The following DDAH1 variants were observed in gnomAD, a reference collection of about 807,000 sequenced individuals.
DDAH1 encodes dimethylarginine dimethylaminohydrolase 1.
In DDAH1, 19 loss-of-function variants were observed where a neutral mutation model predicts 28.8. The ratio of observed to expected loss-of-function variants is 0.66; its 90% confidence interval spans 0.46 to 0.97. The LOEUF (loss-of-function observed/expected upper bound fraction) is 0.97. DDAH1 is among the 50% of genes least tolerant of loss of function. DDAH1 has a pLI of 0.00. For missense variants in DDAH1, 326 were observed against 375.9 expected (o/e 0.87, Z 1.10); for synonymous variants, 153 against 154.4 (o/e 0.99, Z 0.07).
At chr1:85,503,508 C>T (rs1292533092) in intron 1 of DDAH1, among the ~76,000 whole-genome samples, 1 of 149,774 alleles carries the variant, frequency 6.7e-6, no homozygotes, top group Admixed American at 6.7e-5. Flanking sequence ...GGCTGATGTT[C>T]TTTAAAGTTC....
intron 1 of DDAH1, among the ~76,000 whole-genome samples, chr1:85,539,349 G>A (rs1305650439): frequency 6.6e-6 from 1 of 152,248 alleles, no homozygotes; most frequent in Non-Finnish European, 1.5e-5. Context: ...GTCTCACCAT[G>A]TTGGCCAGGC....
intron 1 of DDAH1, among the ~76,000 whole-genome samples, chr1:85,406,316 T>C (rs1652401009): frequency 6.6e-6 from 1 of 152,178 alleles, no homozygotes; most frequent in South Asian, 2.1e-4. Context: ...CATCACTACA[T>C]CTGGATCCAA....
At chr1:85,322,352 A>C (rs897422948) in intron 5 of DDAH1, among the ~76,000 whole-genome samples, 2 of 152,238 alleles carry the variant, frequency 1.3e-5, no homozygotes, top group Non-Finnish European at 2.9e-5. Context: ...TACAGGTATG[A>C]ATTTTATTAG....
At chr1:85,564,485 C>T (rs934930267) in intron 1 of DDAH1, among the ~76,000 whole-genome samples, 6 of 151,938 alleles carry the variant, frequency 3.9e-5, no homozygotes, top group Non-Finnish European at 8.8e-5. Flanking sequence ...GTTTAAATTT[C>T]GTGAAAAATT....
intron 1 of DDAH1, among the ~76,000 whole-genome samples, chr1:85,432,196 A>C (rs1474803395): frequency 2.0e-5 from 3 of 152,164 alleles, no homozygotes; most frequent in Admixed American, 6.5e-5. Context: ...TGAAGAAATG[A>C]ATAAAGGCTC....
chr1:85,462,439 T>G (rs974720451), intron 1 of DDAH1, among the ~76,000 whole-genome samples: 6 of 152,034 alleles, frequency 3.9e-5, no homozygotes, highest in Non-Finnish European at 8.8e-5. Context: ...GAATGGAAAA[T>G]TGACAAGACT....
chr1:85,343,385 C>G (rs1477778873), intron 4 of DDAH1, among the ~76,000 whole-genome samples: 1 of 152,200 alleles, frequency 6.6e-6, no homozygotes, highest in African/African-American at 2.4e-5. Flanking sequence ...GGAATATTGT[C>G]AGATGAGGCA....
intron 1 of DDAH1, among the ~76,000 whole-genome samples, chr1:85,380,901 C>T (rs1400404897): frequency 1.3e-5 from 2 of 152,110 alleles, no homozygotes; most frequent in East Asian, 3.9e-4. Context: ...TTTTAAAACA[C>T]ATCTGGCACT....
At chr1:85,346,471 T>C (rs1648853472) in intron 4 of DDAH1, among the ~76,000 whole-genome samples, 1 of 152,138 alleles carries the variant, frequency 6.6e-6, no homozygotes, top group Admixed American at 6.6e-5. Flanking sequence ...GGCAAAATAA[T>C]TAGAAAAGGT....
At chr1:85,491,403 C>G (rs547332527) in intron 2 of DDAH1, among the ~76,000 whole-genome samples, 32 of 152,284 alleles carry the variant, frequency 2.1e-4, no homozygotes, top group African/African-American at 7.5e-4. Flanking sequence ...TGTTTTCAAA[C>G]TGCAGACAAA....
chr1:85,449,877 G>A (rs973328980), intron 1 of DDAH1, among the ~76,000 whole-genome samples: 3 of 152,072 alleles, frequency 2.0e-5, no homozygotes, highest in Non-Finnish European at 4.4e-5. Flanking sequence ...AGTCAGAGCT[G>A]GCCAGAAGCA....
chr1:85,337,769 A>T (rs1164329046), intron 4 of DDAH1, among the ~76,000 whole-genome samples: 1 of 152,192 alleles, frequency 6.6e-6, no homozygotes, highest in Admixed American at 6.5e-5. Context: ...TCAAAAAGTT[A>T]AAGTCCCCTT....
At chr1:85,446,792 A>G (rs1201201715) in intron 1 of DDAH1, among the ~76,000 whole-genome samples, 1 of 151,922 alleles carries the variant, frequency 6.6e-6, no homozygotes. Context: ...GAAACTGAGG[A>G]TTTCATTTCC....
chr1:85,388,017 TGAGC>T (rs1435511446), intron 1 of DDAH1, among the ~76,000 whole-genome samples: 1 of 151,940 alleles, frequency 6.6e-6, no homozygotes, highest in East Asian at 1.9e-4. Context: ...ACTAATAGAG[TGAGC>T]ACTCACTCAT....
chr1:85,369,055 CTTTTTTTTTTTTT>C (rs36109764), intron 1 of DDAH1, among the ~76,000 whole-genome samples: 2 of 84,610 alleles, frequency 2.4e-5, no homozygotes, highest in African/African-American at 4.7e-5. Flanking sequence ...CCAGGGGATT[CTTTTTTTTTTTTT>C]TTTTTTTTTT....
At chr1:85,337,064 A>C (rs1318789570) in intron 4 of DDAH1, among the ~76,000 whole-genome samples, 1 of 152,252 alleles carries the variant, frequency 6.6e-6, no homozygotes, top group African/African-American at 2.4e-5. Context: ...TAAATTAATA[A>C]ACATGATATA....
Position 85,350,339 on chromosome 1 carries a change from C to G in DDAH1, c.597+76G>C. 2.6e-6 allele frequency: 4 copies of G among 1,554,744 alleles called. No individual in the cohort carries two copies. The Admixed American group carries it at 7.4e-5, about 29-fold the overall frequency. On this transcript the variant is annotated intron_variant, in intron 4 of 5. Coordinates refer to ENST00000284031, the MANE Select transcript of DDAH1 (RefSeq NM_012137.4). ...CCCTGCCAACCCTGCTTGTTACTCC[C>G]CCAGCAGAGAGAATGTGAAAAACCC...
chr1:85,557,205 G>A (rs1658997678), intron 1 of DDAH1, among the ~76,000 whole-genome samples: 1 of 152,172 alleles, frequency 6.6e-6, no homozygotes, highest in South Asian at 2.1e-4. Flanking sequence ...CTTCAGTGAA[G>A]ACAGGAACTG....
chr1:85,341,217 T>TGC (rs1238979058), intron 4 of DDAH1, among the ~76,000 whole-genome samples: 2 of 152,248 alleles, frequency 1.3e-5, no homozygotes, highest in Non-Finnish European at 2.9e-5. Context: ...AGTATCCCTG[T>TGC]GCTTGGGATA....
Sources: gnomAD v4.1 joint callset for allele counts (sites outside exome capture counted in the v4.1 genomes callset) on GRCh38, gnomAD v4.1.1 for gene constraint, MANE v1.5 for transcripts, NCBI Gene and HGNC (gene_info 2026-07-23, HGNC 2026-07-21) for gene names.